The following CDH13 variants were observed in gnomAD, a reference collection of about 807,000 sequenced individuals.
CDH13 encodes the protein cadherin 13.
A neutral mutation model predicts 63.8 loss-of-function variants in CDH13; 24 were observed. The ratio of observed to expected loss-of-function variants is 0.38; its 90% confidence interval spans 0.27 to 0.53. The LOEUF (loss-of-function observed/expected upper bound fraction) is 0.53, where lower values mean the gene tolerates loss of function less well. Ranked by LOEUF, CDH13 falls within the 20% of genes least tolerant of loss-of-function variation. CDH13 has a pLI of 0.85. For synonymous variants in CDH13, 503 were observed against 355.3 expected, an observed-to-expected ratio of 1.42 and a Z score of -4.67; for missense variants, 1,049 against 903.1, an observed-to-expected ratio of 1.16 and a Z score of -2.07.
At chr16:83,237,683 T>G (rs1234377040) in intron 5 of CDH13, among the ~76,000 whole-genome samples, 1 of 152,200 alleles carries the variant, frequency 6.6e-6, no homozygotes, top group Non-Finnish European at 1.5e-5. Context: ...TAACACCAAT[T>G]TTGCCTCTCC....
intron 2 of CDH13, among the ~76,000 whole-genome samples, chr16:82,939,462 A>AGAGGGAGAGAGG (rs2042766205): frequency 8.3e-6 from 1 of 120,006 alleles, no homozygotes; most frequent in Admixed American, 9.5e-5. Context: ...AGAGGGAGGG[A>AGAGGGAGAGAGG]GAGGGAGAGA....
intron 8 of CDH13, among the ~76,000 whole-genome samples, chr16:83,662,961 G>GA (rs1327235252): frequency 2.0e-5 from 3 of 152,074 alleles, no homozygotes; most frequent in East Asian, 1.9e-4. Flanking sequence ...TTGAGTCCCA[G>GA]AAAAAAATCT....
intron 1 of CDH13, among the ~76,000 whole-genome samples, chr16:82,800,119 G>T (rs535130237): frequency 3.3e-5 from 5 of 152,130 alleles, no homozygotes; most frequent in South Asian, 4.2e-4. Context: ...TTGCATATTT[G>T]TCTGTCTTGT....
chr16:83,057,119 A>G (rs921502924), intron 3 of CDH13, among the ~76,000 whole-genome samples: 1 of 152,066 alleles, frequency 6.6e-6, no homozygotes, highest in Non-Finnish European at 1.5e-5. Flanking sequence ...GGCACGTGCC[A>G]CCACACCCAG....
intron 10 of CDH13, among the ~76,000 whole-genome samples, chr16:83,718,820 ATTC>A (rs1741909232): frequency 6.6e-6 from 1 of 152,088 alleles, no homozygotes; most frequent in Non-Finnish European, 1.5e-5. Context: ...GGAATTTTCT[ATTC>A]TTCTATGACC....
chr16:83,563,934 A>G (rs985649740), intron 7 of CDH13, among the ~76,000 whole-genome samples: 1 of 152,194 alleles, frequency 6.6e-6, no homozygotes, highest in African/African-American at 2.4e-5. Flanking sequence ...AGAGATCCAG[A>G]TCTGAATCTC....
At chr16:83,658,732 C>T (rs1913134508) in intron 8 of CDH13, among the ~76,000 whole-genome samples, 1 of 149,630 alleles carries the variant, frequency 6.7e-6, no homozygotes, top group African/African-American at 2.5e-5. Context: ...ATGTCCTCAC[C>T]ACCAGGTCCC....
At chr16:83,029,403 G>A (rs1254812819) in intron 2 of CDH13, among the ~76,000 whole-genome samples, 1 of 152,130 alleles carries the variant, frequency 6.6e-6, no homozygotes, top group African/African-American at 2.4e-5. Context: ...AGTGGAAATA[G>A]TCCAGATACC....
intron 8 of CDH13, among the ~76,000 whole-genome samples, chr16:83,656,566 C>A (rs1286618709): frequency 2.4e-4 from 36 of 152,126 alleles, no homozygotes; most frequent in Non-Finnish European, 4.4e-5. Flanking sequence ...AAGCTGGGAC[C>A]AGAACCCCTG....
At chr16:83,548,494 T>C (rs767749278) in intron 7 of CDH13, among the ~76,000 whole-genome samples, 2 of 152,180 alleles carry the variant, frequency 1.3e-5, no homozygotes, top group African/African-American at 4.8e-5. Flanking sequence ...GCTTCAGATG[T>C]AGAAACATCA....
chr16:82,885,700 C>G (rs1444775979), intron 2 of CDH13, among the ~76,000 whole-genome samples: 2 of 152,160 alleles, frequency 1.3e-5, no homozygotes, highest in Non-Finnish European at 2.9e-5. Context: ...GCATTGGTTA[C>G]AAGCACAAGA....
At chr16:83,584,675 T>C (rs1359256849) in intron 7 of CDH13, among the ~76,000 whole-genome samples, 1 of 152,216 alleles carries the variant, frequency 6.6e-6, no homozygotes, top group Admixed American at 6.5e-5. Context: ...TGTAGTGTTA[T>C]GATGCTGAGA....
chr16:83,635,964 T>A lies in CDH13; in HGVS notation c.1101+33370T>A, dbSNP rs577164308. Among the ~76,000 whole-genome samples, 19 of 152,306 alleles carry A rather than the reference T, an allele frequency of 1.2e-4. 1 individual carries two copies. In the South Asian group the frequency reaches 3.5e-3, roughly 28 times the overall value. On this transcript the variant is annotated intron_variant, in intron 8 of 13. Coordinates refer to ENST00000567109, the MANE Select transcript of CDH13 (RefSeq NM_001257.5). ...TTTTACATCTAAGTCCATGATCCTT[T>A]CGGAACTGATTTTTTTATGTAAAGT...
intron 5 of CDH13, among the ~76,000 whole-genome samples, chr16:83,286,052 C>G (rs74031967): frequency 0.12 from 18,529 of 152,086 alleles, 1,220 homozygotes; most frequent in African/African-American, 0.15. Context: ...TACCCTGTCT[C>G]AAATGCAAGT....
intron 6 of CDH13, among the ~76,000 whole-genome samples, chr16:83,383,885 G>A (rs1297987204): frequency 6.6e-6 from 1 of 152,154 alleles, no homozygotes; most frequent in Admixed American, 6.5e-5. Context: ...TGAGGTTGTG[G>A]CTGCTGGAGT....
intron 6 of CDH13, among the ~76,000 whole-genome samples, chr16:83,473,344 C>T (rs1022598513): frequency 2.6e-5 from 4 of 152,246 alleles, no homozygotes; most frequent in Non-Finnish European, 4.4e-5. Flanking sequence ...AAATCAGCAA[C>T]ATTACAGCTT....
At chr16:83,113,496 G>A (rs2035159644) in intron 3 of CDH13, among the ~76,000 whole-genome samples, 1 of 152,218 alleles carries the variant, frequency 6.6e-6, no homozygotes, top group Non-Finnish European at 1.5e-5. Context: ...TAGGCACCAG[G>A]GGGCGTAGCA....
intron 1 of CDH13, among the ~76,000 whole-genome samples, chr16:82,753,966 C>G (rs1480900105): frequency 6.6e-6 from 1 of 152,170 alleles, no homozygotes; most frequent in Non-Finnish European, 1.5e-5. Flanking sequence ...CACTGTGAAT[C>G]ATGAATAAGA....
intron 7 of CDH13, among the ~76,000 whole-genome samples, chr16:83,511,013 C>G (rs78366289): frequency 0.072 from 10,948 of 152,312 alleles, 426 homozygotes; most frequent in African/African-American, 0.084. Context: ...ACCATCTTCC[C>G]ACACACATAC....
Sources: allele counts gnomAD v4.1 joint callset (sites outside exome capture counted in the v4.1 genomes callset), GRCh38; gene constraint gnomAD v4.1.1; transcripts MANE v1.5; gene names NCBI Gene and HGNC (gene_info 2026-07-23, HGNC 2026-07-21).